Variants in KCNN1 observed in about 807,000 individuals in gnomAD.
KCNN1 encodes the protein potassium calcium-activated channel subfamily N member 1.
KCNN1 carries 20 observed loss-of-function variants against 44.7 expected under a neutral mutation model. That is an observed-to-expected ratio of 0.45 (90% CI 0.32 to 0.65). The LOEUF (loss-of-function observed/expected upper bound fraction) is 0.65. Among genes scored for constraint, KCNN1 ranks in the 30% least tolerant of loss-of-function variants. The pLI is 0.05. For missense variants in KCNN1, 632 were observed against 785.3 expected (o/e 0.80, Z 2.33); for synonymous variants, 324 against 341.7 (o/e 0.95, Z 0.57).
intron 7 of KCNN1, 74 bp downstream of exon 7, chr19:17,989,917 G>A (rs1304171492): frequency 1.1e-5 from 18 of 1,605,858 alleles, no homozygotes; most frequent in Non-Finnish European, 1.4e-5. Context: ...GCTCTGTGTG[G>A]CCTCTTCACG....
At chr19:17,979,971 G>C (rs972886532) in intron 3 of KCNN1, among the ~76,000 whole-genome samples, 8 of 152,040 alleles carry the variant, frequency 5.3e-5, no homozygotes, top group Non-Finnish European at 8.8e-5. Flanking sequence ...GGAGGCTGAG[G>C]AGGGAGGACT....
rs752851195 is a variant in KCNN1, at chr19:17,974,152, T to C, written c.264T>C (p.Asn88=). 3 of 1,613,560 alleles carry C rather than the reference T, an allele frequency of 1.9e-6. No homozygotes were observed. In the Admixed American group the frequency reaches 5.0e-5, roughly 27 times the overall value. ...GRQRASGKPS[N]VGHRLGHRRA... is the part of the protein sequence containing the mutation. ...AGAGAGCCTCGGGGAAACCCTCAAA[T>C]GTGGGCCACCGCCTGGGCCACCGGC... Residue 88 remains asparagine (N), a synonymous_variant, in exon 2 of 10, where the codon AAT becomes AAC. Coordinates refer to ENST00000684775, the MANE Select transcript of KCNN1 (RefSeq NM_001386974.1). The surrounding 1 kb of genome is among the most constrained non-coding windows in gnomAD (Gnocchi z 7.3).
At chr19:17,981,642 GTGGGGCTGGGCA>G in intron 3 of KCNN1, 55 bp from the exon 4 acceptor site, 4 of 1,437,926 alleles carry the variant, frequency 2.8e-6, no homozygotes, top group Non-Finnish European at 3.7e-6. Flanking sequence ...TGGGGGCGCG[GTGGGGCTGGGCA>G]GGGAGCGCGG....
intron 1 of KCNN1, 68 bp from the exon 2 acceptor site, chr19:17,973,740 G>A: frequency 7.0e-7 from 1 of 1,429,246 alleles, no homozygotes; most frequent in Non-Finnish European, 9.1e-7. Context: ...GGTTGGCCGG[G>A]ATGGTCCTTG....
chr19:17,996,609 AAAT>A (rs2033002310), intron 9 of KCNN1, among the ~76,000 whole-genome samples: 2 of 150,816 alleles, frequency 1.3e-5, no homozygotes, highest in South Asian at 2.2e-4. Flanking sequence ...TTCGTCTCAA[AAAT>A]AAAAATAAAA....
intron 1 of KCNN1, among the ~76,000 whole-genome samples, chr19:17,967,594 C>T (rs1256709887): frequency 2.7e-5 from 4 of 145,484 alleles, no homozygotes; most frequent in Admixed American, 6.8e-5. Flanking sequence ...CTCCAAACTG[C>T]ATAGATAGGG....
At position 17,998,336 on chromosome 19, in the gene KCNN1, GCCC is replaced by G. The variant is rs753944700; in HGVS notation, c.1565_1567del (p.Pro522del). ...CCCCTGCCTCCCAGGCCCGGCCCCGGCCCCCAAGACCAGGCAGCCCGGAGCTCC... is the reference window on the plus strand; with the variant it reads ...CCCCTGCCTCCCAGGCCCGGCCCCGGCCAAGACCAGGCAGCCCGGAGCTCC... On this transcript the variant is annotated inframe_deletion, in exon 10 of 10. Coordinates refer to ENST00000684775, the MANE Select transcript of KCNN1 (RefSeq NM_001386974.1). This position sits in a 1 kb window ranked among gnomAD's most constrained non-coding sequence, Gnocchi z 5.4. The G allele has an allele frequency of 2.0e-6, 3 of 1,531,166 alleles. No homozygotes were observed. The highest frequency in any genetic ancestry group is 2.6e-6 in the Non-Finnish European group (3 of 1,144,244). The allele number at this position is 1,531,166 out of a possible 1,614,324, so 94.8% of individuals were successfully genotyped here.
chr19:17,995,138 T>C (rs2032938475), intron 9 of KCNN1, among the ~76,000 whole-genome samples: 1 of 152,116 alleles, frequency 6.6e-6, no homozygotes, highest in Non-Finnish European at 1.5e-5. Context: ...TAGCTTAATA[T>C]TAACCTACAA....
At chr19:17,987,263 C>A (rs938319616) in intron 5 of KCNN1, among the ~76,000 whole-genome samples, 6 of 152,158 alleles carry the variant, frequency 3.9e-5, no homozygotes, top group Non-Finnish European at 8.8e-5. Context: ...GCACCTGCCA[C>A]CAGGCCCAGC....
chr19:17,982,047 C>A lies in KCNN1; in HGVS notation c.837C>A (p.Thr279=). The change falls in exon 4 of 10, where the codon ACC becomes ACA. Residue 279 remains threonine, a synonymous_variant. Transcript: ENST00000684775. The part of the protein sequence containing the change: ...NTRFVMKTLM[T]ICPGTVLLVF... Reference sequence around the variant, plus strand: ...GCTTCGTCATGAAGACACTCATGACCATCTGCCCCGGCACCGTGCTGCTGG... The same window carrying A: ...GCTTCGTCATGAAGACACTCATGACAATCTGCCCCGGCACCGTGCTGCTGG... 1 of 1,609,488 alleles carries A rather than the reference C, an allele frequency of 6.2e-7. No individual in the cohort carries two copies. The highest frequency in any genetic ancestry group is 2.2e-5 in the East Asian group (1 of 44,696).
intron 1 of KCNN1, among the ~76,000 whole-genome samples, chr19:17,969,836 C>T (rs1024751161): frequency 7.2e-5 from 11 of 152,174 alleles, no homozygotes; most frequent in African/African-American, 2.7e-4. Flanking sequence ...CTGGGTTTTC[C>T]TGGGCCCCCT....
chr19:17,972,366 C>A (rs1406146838), intron 1 of KCNN1, among the ~76,000 whole-genome samples: 1 of 152,204 alleles, frequency 6.6e-6, no homozygotes, highest in Non-Finnish European at 1.5e-5. Context: ...TCCCTGCTCT[C>A]ACACATGATG....
At chr19:17,971,753 C>T (rs1179273410) in intron 1 of KCNN1, among the ~76,000 whole-genome samples, 3 of 151,968 alleles carry the variant, frequency 2.0e-5, no homozygotes, top group Admixed American at 2.0e-4. Context: ...CGTGAGCCAC[C>T]GTGCCCGGCC....
rs575260542 is a variant in KCNN1, at chr19:17,978,095, T to C, written c.498+2908T>C. Among the ~76,000 whole-genome samples, 29 of 151,882 alleles carry C rather than the reference T, an allele frequency of 1.9e-4. No individual in the cohort carries two copies. The South Asian group carries it at 5.8e-3, about 31-fold the overall frequency. ...TTGTGCACTTTAAATGGGAGAATTA[T>C]ACGGTTTGTGAATTTCATATATGTA... On this transcript the variant is annotated intron_variant, in intron 3 of 9. Coordinates refer to ENST00000684775, the MANE Select transcript of KCNN1 (RefSeq NM_001386974.1).
In KCNN1 at chr19:17,993,410, GGTGCATGAA is replaced by G; in HGVS notation, c.1308-79_1308-71del. 9.6e-7 allele frequency: 1 copy of G among 1,039,534 alleles called. No individual in the cohort carries two copies. Among genetic ancestry groups the G allele is most frequent in the Non-Finnish European group, 1.5e-6 (1 of 677,018 alleles). 64.4% of individuals were successfully genotyped at this position (1,039,534 alleles called of 1,614,324 possible). ...CATGTCCCATAGGTGACCCCGGGTG[GGTGCATGAA>G]AGTCCCTGCCCCCACTGCAGCCTCC... On this transcript the variant is annotated intron_variant, in intron 8 of 9. Transcript: ENST00000684775. This position sits in a 1 kb window ranked among gnomAD's most constrained non-coding sequence, Gnocchi z 4.5.
intron 1 of KCNN1, among the ~76,000 whole-genome samples, chr19:17,968,034 C>T (rs549322049): frequency 7.0e-6 from 1 of 143,716 alleles, no homozygotes; most frequent in East Asian, 2.1e-4. Flanking sequence ...CAGTGTCTGT[C>T]TGCCCTGCAG....
chr19:17,993,261 G>A lies in KCNN1; in HGVS notation c.1307+199G>A, dbSNP rs2032860604. The stretch of plus-strand genomic sequence containing the variant: ...CAGTCCTGAGTTGGGCCGGAGACAG[G>A]ACCAGCCAATGGGTGGTGTGGGCGG... On this transcript the variant is annotated intron_variant, in intron 8 of 9. Transcript: ENST00000684775. The surrounding 1 kb of genome is among the most constrained non-coding windows in gnomAD (Gnocchi z 4.5). Among the ~76,000 whole-genome samples, 1 of 152,178 alleles carries A rather than the reference G, an allele frequency of 6.6e-6. No individual in the cohort carries two copies. Among genetic ancestry groups the A allele is most frequent in the African/African-American group, 2.4e-5 (1 of 41,436 alleles).
Position 17,993,500 on chromosome 19 carries a change from G to A in KCNN1, c.1318G>A (p.Val440Met), listed in dbSNP as rs745737623. 1 of 1,613,774 alleles carries A rather than the reference G, an allele frequency of 6.2e-7. No individual in the cohort carries two copies. Among genetic ancestry groups the A allele is most frequent in the Admixed American group, 1.7e-5 (1 of 59,996 alleles). ...CCCGTGTCCCCACAGGCTCCGGAGT[G>A]TGAAGATCGAGCAAGGGAAGCTGAA... ...AIHQAQKLRS[V>M]KIEQGKLNDQ... Residue 440 changes from valine (V) to methionine (M), a missense_variant, in exon 9 of 10, where the codon GTG becomes ATG. Coordinates refer to ENST00000684775, the MANE Select transcript of KCNN1 (RefSeq NM_001386974.1). This position sits in a 1 kb window ranked among gnomAD's most constrained non-coding sequence, Gnocchi z 4.5.
At position 17,981,825 on chromosome 19, in the gene KCNN1, C is replaced by T; in HGVS notation, c.615C>T (p.Tyr205=). The T allele has an allele frequency of 1.2e-6, 2 of 1,613,214 alleles. No homozygotes were observed. The highest frequency in any genetic ancestry group is 1.7e-6 in the Non-Finnish European group (2 of 1,179,526). Residue 205 remains tyrosine, a synonymous_variant, in exon 4 of 10, where the codon TAC becomes TAT. Coordinates refer to ENST00000684775, the MANE Select transcript of KCNN1 (RefSeq NM_001386974.1). ...VCAIHPVPGH[Y]RFTWTARLAF... is the part of the protein sequence containing the mutation. ...CCATTCACCCGGTGCCCGGCCACTA[C>T]CGCTTCACGTGGACGGCGCGGCTGG...
Sources: allele counts gnomAD v4.1 joint callset (sites outside exome capture counted in the v4.1 genomes callset), GRCh38; gene constraint gnomAD v4.1.1; non-coding constraint Gnocchi (gnomAD v3.1); transcripts MANE v1.5; gene names NCBI Gene and HGNC (gene_info 2026-07-23, HGNC 2026-07-21).